The following PTPRN2 variants were observed in gnomAD, a reference collection of about 807,000 sequenced individuals.
PTPRN2 encodes receptor-type tyrosine-protein phosphatase N2.
PTPRN2 carries 74 observed loss-of-function variants against 118.8 expected under a neutral mutation model. That is an observed-to-expected ratio of 0.62 (90% CI 0.52 to 0.76). The LOEUF (loss-of-function observed/expected upper bound fraction) is 0.76. PTPRN2 is among the 30% of genes least tolerant of loss of function. The pLI is 0.00. For synonymous variants in PTPRN2, 641 were observed against 608.0 expected (o/e 1.05, Z -0.80); for missense variants, 1,481 against 1,394.4 (o/e 1.06, Z -0.99).
chr7:157,761,866 A>T (rs956429129), intron 12 of PTPRN2, among the ~76,000 whole-genome samples: 4 of 152,116 alleles, frequency 2.6e-5, no homozygotes, highest in African/African-American at 7.2e-5. Flanking sequence ...CAAAGGGCTA[A>T]TATCCAGAAT....
At chr7:158,447,701 G>C (rs559237247) in intron 2 of PTPRN2, among the ~76,000 whole-genome samples, 22 of 152,368 alleles carry the variant, frequency 1.4e-4, no homozygotes, top group African/African-American at 4.8e-4. Flanking sequence ...CTGGGCCAGT[G>C]GTGGGCTGCG....
rs1477928727 is a variant in PTPRN2 at position 158,529,194 on chromosome 7, G to A, written c.113-39409C>T. ...GCAGCACTCACACAGCACCTGGTGG[G>A]CACTAAGCACCCGTCGCTGTTGGTC... is the stretch of plus-strand genomic sequence containing the variant. On this transcript the variant is annotated intron_variant, in intron 1 of 22. Transcript: ENST00000389418. This position sits in a 1 kb window ranked among gnomAD's most constrained non-coding sequence, Gnocchi z 4.7. 3.3e-5 allele frequency among the ~76,000 whole-genome samples: 5 copies of A among 152,250 alleles called. No individual in the cohort carries two copies. The highest frequency in any genetic ancestry group is 1.2e-4 in the African/African-American group (5 of 41,470).
In PTPRN2 at chr7:158,143,972, G is replaced by A. The variant is rs76148906; in HGVS notation, c.911-5457C>T. Among the ~76,000 whole-genome samples the A allele has an allele frequency of 4.6e-3, 706 of 152,198 alleles. 14 individuals are homozygous for A. The East Asian group carries it at 0.058, about 12-fold the overall frequency. On this transcript the variant is annotated intron_variant, in intron 6 of 22. Transcript: ENST00000389418. ...CGGAGCTCCCCAGGACTGCAGCCCC[G>A]GGCCACCACCTGCCCAGACGACCCC... is the stretch of plus-strand genomic sequence containing the variant.
chr7:157,782,663 G>A (rs911998909), intron 12 of PTPRN2, among the ~76,000 whole-genome samples: 2 of 152,142 alleles, frequency 1.3e-5, no homozygotes, highest in African/African-American at 2.4e-5. Flanking sequence ...GACGAGTGTC[G>A]GTACTCCAAG....
intron 5 of PTPRN2, among the ~76,000 whole-genome samples, chr7:158,188,222 G>A (rs1825373799): frequency 9.4e-6 from 1 of 106,866 alleles, no homozygotes; most frequent in African/African-American, 3.3e-5. Flanking sequence ...GCCTGATGGG[G>A]AAGGCCGCCA....
intron 12 of PTPRN2, among the ~76,000 whole-genome samples, chr7:157,841,905 CG>C (rs1554466855): frequency 1.3e-5 from 2 of 151,848 alleles, no homozygotes; most frequent in Admixed American, 6.6e-5. Context: ...ATACAGTACC[CG>C]GGGACTGTGT....
intron 2 of PTPRN2, among the ~76,000 whole-genome samples, chr7:158,317,410 G>A (rs183815055): frequency 1.3e-5 from 2 of 152,374 alleles, no homozygotes; most frequent in Admixed American, 1.3e-4. Context: ...GGCAAGCACG[G>A]CTTCCCGGGC....
intron 12 of PTPRN2, among the ~76,000 whole-genome samples, chr7:157,776,018 G>A (rs899816764): frequency 1.3e-5 from 2 of 151,694 alleles, no homozygotes; most frequent in African/African-American, 4.9e-5. Context: ...TCGGAGGTGG[G>A]CAAGGAGTGA....
intron 1 of PTPRN2, among the ~76,000 whole-genome samples, chr7:158,524,404 G>A (rs1471694505): frequency 3.8e-3 from 525 of 138,650 alleles, no homozygotes; most frequent in African/African-American, 0.014. Context: ...GGAGTCGTCT[G>A]CCCTGGAGCG....
At chr7:157,709,949 C>T (rs1392136899) in intron 12 of PTPRN2, among the ~76,000 whole-genome samples, 2 of 152,212 alleles carry the variant, frequency 1.3e-5, no homozygotes, top group African/African-American at 4.8e-5. Context: ...AGGAGTTTCC[C>T]TCACTTAGCC....
At chr7:157,621,659 G>T in intron 14 of PTPRN2, 150 bp from the exon 15 acceptor site, 3 of 895,368 alleles carry the variant, frequency 3.4e-6, no homozygotes, top group Non-Finnish European at 5.2e-6. Flanking sequence ...TTGTGCTACG[G>T]TGCACAATGC....
intron 1 of PTPRN2, among the ~76,000 whole-genome samples, chr7:158,582,216 A>G (rs1460137331): frequency 6.6e-6 from 1 of 152,204 alleles, no homozygotes; most frequent in African/African-American, 2.4e-5. Flanking sequence ...CTAATGTGGA[A>G]AGAGCTGCCA....
intron 3 of PTPRN2, among the ~76,000 whole-genome samples, chr7:158,208,044 G>C (rs1827295795): frequency 1.3e-5 from 2 of 152,288 alleles, no homozygotes; most frequent in South Asian, 4.1e-4. Flanking sequence ...AGTTGACCAA[G>C]CAAGACAAAG....
intron 11 of PTPRN2, 73 bp downstream of exon 11, chr7:158,081,225 T>A: frequency 7.3e-7 from 1 of 1,378,652 alleles, no homozygotes. Flanking sequence ...TGGCTGTGCA[T>A]GTGCGTGTTT....
intron 2 of PTPRN2, among the ~76,000 whole-genome samples, chr7:158,476,820 A>G (rs561615762): frequency 6.0e-4 from 91 of 152,314 alleles, no homozygotes; most frequent in Non-Finnish European, 1.1e-3. Flanking sequence ...CTCCCAGCAA[A>G]CTTCTGAGGA....
intron 20 of PTPRN2, among the ~76,000 whole-genome samples, chr7:157,569,813 G>A (rs533539523): frequency 1.1e-3 from 171 of 152,314 alleles, no homozygotes; most frequent in African/African-American, 4.0e-3. Flanking sequence ...CCCATGACTG[G>A]CTTTTAAACA....
At chr7:157,668,633 AGG>A (rs1796255518) in intron 13 of PTPRN2, among the ~76,000 whole-genome samples, 1 of 152,168 alleles carries the variant, frequency 6.6e-6, no homozygotes, top group African/African-American at 2.4e-5. Context: ...CTGTTTGGGG[AGG>A]GCCCTGGCCT....
intron 11 of PTPRN2, among the ~76,000 whole-genome samples, chr7:158,037,399 G>A (rs1296143745): frequency 1.3e-5 from 2 of 152,138 alleles, no homozygotes; most frequent in Non-Finnish European, 2.9e-5. Context: ...CACCCAGCTG[G>A]CACAGCCCAC....
At chr7:157,966,229 G>A (rs1801910266) in intron 11 of PTPRN2, among the ~76,000 whole-genome samples, 1 of 152,062 alleles carries the variant, frequency 6.6e-6, no homozygotes, top group Non-Finnish European at 1.5e-5. Flanking sequence ...TGGTTTAACT[G>A]CCTTCCTGTG....
Sources: gnomAD v4.1 joint callset for allele counts (sites outside exome capture counted in the v4.1 genomes callset) on GRCh38, gnomAD v4.1.1 for gene constraint, Gnocchi (gnomAD v3.1) non-coding constraint, MANE v1.5 for transcripts, NCBI Gene and HGNC (gene_info 2026-07-23, HGNC 2026-07-21) for gene names.